ARK2C: variants seen among roughly 807,000 people sequenced by gnomAD.
ARK2C encodes arkadia (RNF111) C-terminal like ring finger ubiquitin ligase 2C.
chr18:46,381,373 C>T, the ARK2C span, among the ~76,000 whole-genome samples: 1 of 152,194 alleles, frequency 6.6e-6, no homozygotes, highest in African/African-American at 2.4e-5. Context: ...GCTCTCTCCC[C>T]GCTTCCTGGG....
At chr18:46,349,901 CA>C in the ARK2C span, among the ~76,000 whole-genome samples, 1 of 152,228 alleles carries the variant, frequency 6.6e-6, no homozygotes, top group Non-Finnish European at 1.5e-5. Context: ...GGGCCCCATG[CA>C]ATATGCATTT....
chr18:46,387,161 G>C, the ARK2C span: 1 of 152,258 alleles, frequency 6.6e-6, no homozygotes, highest in African/African-American at 2.4e-5. Flanking sequence ...GAGGGCTACA[G>C]TCTGTCCAGC....
chr18:46,456,074 A>C, the ARK2C span: 2 of 1,600,714 alleles, frequency 1.2e-6, no homozygotes, highest in South Asian at 1.1e-5. Flanking sequence ...GATGGAGAAG[A>C]TGTGAGGTAG....
At chr18:46,388,128 T>C in the ARK2C span, among the ~76,000 whole-genome samples, 2 of 152,186 alleles carry the variant, frequency 1.3e-5, no homozygotes, top group Non-Finnish European at 2.9e-5. Context: ...TACATGTTTA[T>C]TTGGGATTAC....
the ARK2C span, among the ~76,000 whole-genome samples, chr18:46,356,033 C>T: frequency 2.6e-5 from 4 of 152,170 alleles, no homozygotes; most frequent in African/African-American, 7.2e-5. Flanking sequence ...CCTCAGCCCT[C>T]GGCCAGGACG....
At chr18:46,382,714 G>T in the ARK2C span, among the ~76,000 whole-genome samples, 40 of 152,280 alleles carry the variant, frequency 2.6e-4, no homozygotes, top group East Asian at 7.7e-3. Context: ...TCCTCTGTGT[G>T]CAGGGAAAGA....
the ARK2C span, among the ~76,000 whole-genome samples, chr18:46,344,142 G>A: frequency 6.6e-6 from 1 of 152,218 alleles, no homozygotes; most frequent in African/African-American, 2.4e-5. Context: ...CTAAGTGCTG[G>A]CCTCACTGCA....
the ARK2C span, among the ~76,000 whole-genome samples, chr18:46,426,302 T>C: frequency 6.6e-6 from 1 of 152,352 alleles, no homozygotes; most frequent in East Asian, 1.9e-4. Flanking sequence ...GCAGTGAGCC[T>C]TTTAGAGACT....
the ARK2C span, among the ~76,000 whole-genome samples, chr18:46,428,841 T>A: frequency 6.6e-6 from 1 of 152,370 alleles, no homozygotes; most frequent in South Asian, 2.1e-4. Flanking sequence ...CTAGGAAATG[T>A]AAAATTCCCT....
chr18:46,381,284 G>A, the ARK2C span, among the ~76,000 whole-genome samples: 3 of 152,212 alleles, frequency 2.0e-5, no homozygotes, highest in Non-Finnish European at 2.9e-5. Flanking sequence ...GAGGAGTCAG[G>A]TTCTGCCATG....
the ARK2C span, chr18:46,334,394 C>CG: frequency 6.8e-7 from 1 of 1,479,092 alleles, no homozygotes; most frequent in Non-Finnish European, 9.1e-7. This position sits in a 1 kb window ranked among gnomAD's most constrained non-coding sequence, Gnocchi z 4.4. Context: ...GGCACCGGGG[C>CG]GGGGGCGGGC....
chr18:46,352,935 C>A, the ARK2C span, among the ~76,000 whole-genome samples: 2 of 152,216 alleles, frequency 1.3e-5, no homozygotes, highest in African/African-American at 4.8e-5. Flanking sequence ...CTGGGTGGAG[C>A]TCCTCCTTTG....
the ARK2C span, among the ~76,000 whole-genome samples, chr18:46,440,542 A>C: frequency 6.6e-6 from 1 of 152,246 alleles, no homozygotes; most frequent in Non-Finnish European, 1.5e-5. Flanking sequence ...AAACAAATCC[A>C]GGCATCATAT....
At chr18:46,347,629 G>A in the ARK2C span, among the ~76,000 whole-genome samples, 1 of 152,280 alleles carries the variant, frequency 6.6e-6, no homozygotes, top group African/African-American at 2.4e-5. Flanking sequence ...TGGATGTAAT[G>A]TACCCACCGT....
At chr18:46,426,848 A>G in the ARK2C span, among the ~76,000 whole-genome samples, 2 of 152,156 alleles carry the variant, frequency 1.3e-5, no homozygotes. Flanking sequence ...TGACATCTGG[A>G]GATTATTTTT....
the ARK2C span, chr18:46,456,767 G>A: frequency 2.7e-6 from 2 of 728,662 alleles, no homozygotes; most frequent in South Asian, 1.6e-5. Context: ...TTTGTGGAAA[G>A]AGGAGTTGGT....
At chr18:46,341,324 G>T in the ARK2C span, among the ~76,000 whole-genome samples, 1 of 147,204 alleles carries the variant, frequency 6.8e-6, no homozygotes, top group Non-Finnish European at 1.5e-5. Flanking sequence ...CAGGGAGGGG[G>T]GTGGGACAGG....
At chr18:46,435,215 G>C in the ARK2C span, 2 of 1,371,312 alleles carry the variant, frequency 1.5e-6, no homozygotes. Context: ...GGCTGCCCCG[G>C]TTTCTCAGAG....
chr18:46,380,114 C>A, the ARK2C span, among the ~76,000 whole-genome samples: 1 of 152,242 alleles, frequency 6.6e-6, no homozygotes, highest in African/African-American at 2.4e-5. Flanking sequence ...GGGTGGAGTG[C>A]AGGGGCCTCG....
Sources: gnomAD v4.1 joint callset for allele counts (sites outside exome capture counted in the v4.1 genomes callset) on GRCh38, gnomAD v4.1.1 for gene constraint, Gnocchi (gnomAD v3.1) non-coding constraint, MANE v1.5 for transcripts, NCBI Gene and HGNC (gene_info 2026-07-23, HGNC 2026-07-21) for gene names.